Variants in LRP2 observed in about 807,000 individuals in gnomAD.
LRP2 encodes the protein low-density lipoprotein receptor-related protein 2.
In LRP2, 172 loss-of-function variants were observed where a neutral mutation model predicts 531.0. The observed-to-expected ratio is 0.32, with a 90% confidence interval of 0.29 to 0.37. LRP2 has a LOEUF of 0.37. Ranked by LOEUF, LRP2 falls within the 10% of genes least tolerant of loss-of-function variation. LRP2 has a pLI of 1.00. For synonymous variants in LRP2, 1,992 were observed against 2,027.6 expected, an observed-to-expected ratio of 0.98 and a Z score of 0.47; for missense variants, 5,167 against 5,868.3, an observed-to-expected ratio of 0.88 and a Z score of 3.90.
rs775147716 is a variant in LRP2 at position 169,137,459 on chromosome 2, G to C, written c.13553C>G (p.Pro4518Arg). 2 of 1,613,656 alleles carry C rather than the reference G, an allele frequency of 1.2e-6. No individual in the cohort carries two copies. Among genetic ancestry groups the C allele is most frequent in the Non-Finnish European group, 1.7e-6 (2 of 1,179,738 alleles). Reference sequence around the variant, plus strand: ...GTACATTGGGTTTTCAAATATTATGGGCTGCTTCCCCATTTCCATGACAAA... The same window carrying C: ...GTACATTGGGTTTTCAAATATTATGCGCTGCTTCCCCATTTCCATGACAAA... Reference protein sequence around the residue: ...EDFVMEMGKQPIIFENPMYSA... With the variant: ...EDFVMEMGKQRIIFENPMYSA... Residue 4518 changes from proline (P) to arginine (R), a missense_variant, in exon 76 of 79, where the codon CCC (proline) becomes CGC (arginine). Coordinates refer to ENST00000649046, the MANE Select transcript of LRP2 (RefSeq NM_004525.3).
intron 10 of LRP2, among the ~76,000 whole-genome samples, chr2:169,282,270 G>A (rs965576075): frequency 9.9e-5 from 15 of 152,106 alleles, no homozygotes; most frequent in East Asian, 1.9e-4. Context: ...TGAGACCTTC[G>A]TCCGGAGAAA....
At position 169,128,563 on chromosome 2, in the gene LRP2, T is replaced by G; in HGVS notation, c.*100A>C. ...CTATAGGCAAACAGGGAAAAATATA[T>G]TTTTTTCATAAAGTACTGAATGTTA... On this transcript the variant is annotated 3_prime_UTR_variant, in exon 79 of 79. Transcript: ENST00000649046. 1 of 1,232,264 alleles carries G rather than the reference T, an allele frequency of 8.1e-7. No homozygotes were observed. Among genetic ancestry groups the G allele is most frequent in the Non-Finnish European group, 1.2e-6 (1 of 843,638 alleles). The allele number at this position is 1,232,264 out of a possible 1,614,324, so 76.3% of individuals were successfully genotyped here. A position where few individuals can be genotyped will look rare whatever the true frequency, so the allele number is the denominator to read the frequency against.
At position 169,247,389 on chromosome 2, in the gene LRP2, T is replaced by C. The variant is rs753797958; in HGVS notation, c.2897A>G (p.Asn966Ser). 1.1e-5 allele frequency: 17 copies of C among 1,614,052 alleles called. No homozygotes were observed. The highest frequency in any genetic ancestry group is 1.4e-5 in the Non-Finnish European group (16 of 1,180,036). Residue 966 changes from asparagine to serine, a missense_variant, in exon 20 of 79, where the codon AAC becomes AGC. Coordinates refer to ENST00000649046, the MANE Select transcript of LRP2 (RefSeq NM_004525.3). Reference protein sequence around the residue: ...YILHLKSYDVNIQTGSNACNQ... With the variant: ...YILHLKSYDVSIQTGSNACNQ... ...GCAATCTCACTCACCAGTCTGGATGTTGACATCATACGATTTCAAATGCAG... is the reference window on the plus strand; with the variant it reads ...GCAATCTCACTCACCAGTCTGGATGCTGACATCATACGATTTCAAATGCAG...
At chr2:169,204,346 T>A (rs866349625) in intron 41 of LRP2, 75 bp from the exon 42 acceptor site, 1 of 1,338,164 alleles carries the variant, frequency 7.5e-7, no homozygotes, top group Non-Finnish European at 1.1e-6. Context: ...GCCCAATGCA[T>A]GCGCCTCATC....
intron 16 of LRP2, among the ~76,000 whole-genome samples, chr2:169,262,275 T>A (rs1328633967): frequency 2.2e-5 from 3 of 136,518 alleles, no homozygotes; most frequent in African/African-American, 8.0e-5. Flanking sequence ...AAATAAAGGG[T>A]ATTCAATTAG....
chr2:169,176,613 T>C, intron 53 of LRP2, 25 bp from the exon 54 acceptor site: 2 of 1,607,686 alleles, frequency 1.2e-6, no homozygotes, highest in Non-Finnish European at 1.7e-6. Flanking sequence ...AGAAAATATG[T>C]GTTCATTTGC....
At position 169,172,018 on chromosome 2, in the gene LRP2, A is replaced by C; in HGVS notation, c.11260T>G (p.Cys3754Gly). The C allele has an allele frequency of 6.2e-7, 1 of 1,614,108 alleles. No homozygotes were observed. The highest frequency in any genetic ancestry group is 8.5e-7 in the Non-Finnish European group (1 of 1,179,990). The change falls in exon 58 of 79, where the codon TGT (cysteine) becomes GGT (glycine). Residue 3754 changes from cysteine (C) to glycine (G), a missense_variant. Physicochemically the swap from Cys to Gly is radical, Grantham distance 159. Around this residue, in one of 6 missense-constraint regions of LRP2, gnomAD observed 564 missense variants for 747.7 expected, o/e 0.75. Transcript: ENST00000649046. Reference sequence around the variant, plus strand: ...CCATAGGACTGTGAACACTCACCACAGTTTTCCTCATCTGAGTTATCTCCA... The same window carrying C: ...CCATAGGACTGTGAACACTCACCACCGTTTTCCTCATCTGAGTTATCTCCA... ...DCGDNSDEEN[C>G]APRECTESEF...
rs1553508684 is a variant in LRP2, at chr2:169,284,256, C to CTCTTTTTTTTTTTTTTTTTTTTTTT, written c.1043-1256_1043-1255insAAAAAAAAAAAAAAAAAAAAAAAGA. The stretch of plus-strand genomic sequence containing the variant: ...CTTTTCTTTTCTTTTTCTTTTTTTT[C>CTCTTTTTTTTTTTTTTTTTTTTTTT]TTTTTTTTTTTTTTTTTTTTTTTTT... On this transcript the variant is annotated intron_variant, in intron 9 of 78. Transcript: ENST00000649046. 3.2e-4 allele frequency among the ~76,000 whole-genome samples: 31 copies of CTCTTTTTTTTTTTTTTTTTTTTTTT among 96,648 alleles called. 2 individuals carry two copies. Among genetic ancestry groups the CTCTTTTTTTTTTTTTTTTTTTTTTT allele is most frequent in the Non-Finnish European group, 5.0e-4 (26 of 51,784 alleles). 63.4% of individuals were successfully genotyped at this position (96,648 alleles called of 152,430 possible). A position where few individuals can be genotyped will look rare whatever the true frequency, so the allele number is the denominator to read the frequency against.
rs558827775 is a variant in LRP2 at position 169,218,948 on chromosome 2, T to A, written c.5648+1506A>T. ...ACTGCCCATATAAAAGACAAAAAAA[T>A]TTCTATTTTCTTTGAGCCATTACAT... On this transcript the variant is annotated intron_variant, in intron 34 of 78. Coordinates refer to ENST00000649046, the MANE Select transcript of LRP2 (RefSeq NM_004525.3). 1.5e-4 allele frequency among the ~76,000 whole-genome samples: 23 copies of A among 152,244 alleles called. No homozygotes were observed. The East Asian group carries it at 1.5e-3, about 10-fold the overall frequency.
intron 46 of LRP2, 25 bp downstream of exon 46, chr2:169,196,886 T>C (rs1360169636): frequency 6.2e-7 from 1 of 1,613,932 alleles, no homozygotes; most frequent in Non-Finnish European, 8.5e-7. Flanking sequence ...ATCGTGATGT[T>C]TTTCATGCTT....
chr2:169,339,533 T>C (rs1685506573), intron 1 of LRP2, among the ~76,000 whole-genome samples: 1 of 152,220 alleles, frequency 6.6e-6, no homozygotes, highest in South Asian at 2.1e-4. Flanking sequence ...TTTTCAACAA[T>C]TATATTTCAA....
At chr2:169,314,884 G>A (rs1017739775) in intron 3 of LRP2, among the ~76,000 whole-genome samples, 13 of 152,008 alleles carry the variant, frequency 8.6e-5, no homozygotes, top group African/African-American at 3.1e-4. Context: ...AGTATATATT[G>A]CCAATTTTCA....
chr2:169,184,812 G>A (rs945061212), intron 50 of LRP2, among the ~76,000 whole-genome samples: 2 of 152,048 alleles, frequency 1.3e-5, no homozygotes, highest in African/African-American at 4.8e-5. Context: ...ACTCAGGCTG[G>A]AGTGCCATGC....
intron 52 of LRP2, among the ~76,000 whole-genome samples, chr2:169,179,373 C>T (rs1215748925): frequency 2.0e-5 from 3 of 152,128 alleles, no homozygotes; most frequent in African/African-American, 7.2e-5. Flanking sequence ...TCCAGTTCAT[C>T]TGTAATCTCT....
chr2:169,345,242 A>G lies in LRP2; in HGVS notation c.79+17079T>C, dbSNP rs148300756. ...GAGTGTGTTTTCTTTACGGATTCCA[A>G]TCTAGCCACAAGCCAAGTTTGGGGA... is the stretch of plus-strand genomic sequence containing the variant. On this transcript the variant is annotated intron_variant, in intron 1 of 78. Transcript: ENST00000649046. 3.8e-4 allele frequency among the ~76,000 whole-genome samples: 58 copies of G among 152,296 alleles called. No individual in the cohort carries two copies. The East Asian group carries it at 9.5e-3, about 25-fold the overall frequency.
intron 14 of LRP2, 112 bp from the exon 15 acceptor site, chr2:169,273,179 G>T: frequency 8.1e-7 from 1 of 1,229,586 alleles, no homozygotes. Context: ...TAATGGATTA[G>T]CAACGTGTTG....
rs146408587 is a variant in LRP2, at chr2:169,337,051, C to T, written c.80-16167G>A. Among the ~76,000 whole-genome samples the T allele has an allele frequency of 8.5e-5, 13 of 152,220 alleles. 1 individual carries two copies. The East Asian group carries it at 2.5e-3, about 29-fold the overall frequency. On this transcript the variant is annotated intron_variant, in intron 1 of 78. Transcript: ENST00000649046. ...ATGGTCCCACCTCCGCCTGACTTCC[C>T]CCACCGCTGTCTAAAAATCCTCTCC...
At position 169,321,349 on chromosome 2, in the gene LRP2, T is replaced by C. The variant is rs534457603; in HGVS notation, c.80-465A>G. 2.6e-5 allele frequency among the ~76,000 whole-genome samples: 4 copies of C among 152,204 alleles called. No homozygotes were observed. The East Asian group carries it at 7.7e-4, about 29-fold the overall frequency. On this transcript the variant is annotated intron_variant, in intron 1 of 78. Coordinates refer to ENST00000649046, the MANE Select transcript of LRP2 (RefSeq NM_004525.3). ...TTGTTTACATCTTTATATTGACATA[T>C]TAGTAACTTAAAAAATGGTTATGGA...
chr2:169,277,663 G>T (rs940119551), intron 13 of LRP2, 82 bp downstream of exon 13: 9 of 1,228,962 alleles, frequency 7.3e-6, no homozygotes, highest in African/African-American at 1.5e-5. Flanking sequence ...TTTAATTCTG[G>T]TCCTTTGATA....
Sources: allele counts gnomAD v4.1 joint callset (sites outside exome capture counted in the v4.1 genomes callset), GRCh38; gene constraint gnomAD v4.1.1; regional missense constraint gnomAD v4.1.1; transcripts MANE v1.5; gene names NCBI Gene and HGNC (gene_info 2026-07-23, HGNC 2026-07-21).